The following AGBL1 variants were observed in gnomAD, a reference collection of about 807,000 sequenced individuals.
AGBL1 encodes the protein cytosolic carboxypeptidase 4.
In AGBL1, 130 loss-of-function variants were observed where a neutral mutation model predicts 118.9. That is an observed-to-expected ratio of 1.09 (90% CI 0.95 to 1.26). The LOEUF (loss-of-function observed/expected upper bound fraction) is 1.26, where lower values mean the gene tolerates loss of function less well. AGBL1 is among the 50% of genes most tolerant of loss of function. The pLI is 0.00. For missense variants in AGBL1, 1,584 were observed against 1,298.1 expected, an observed-to-expected ratio of 1.22 and a Z score of -3.38; for synonymous variants, 555 against 478.9, an observed-to-expected ratio of 1.16 and a Z score of -2.08.
At chr15:86,427,328 G>T (rs2081879045) in intron 18 of AGBL1, among the ~76,000 whole-genome samples, 1 of 152,160 alleles carries the variant, frequency 6.6e-6, no homozygotes, top group East Asian at 1.9e-4. Flanking sequence ...GCATAAGGAT[G>T]AATATTAGGG....
chr15:86,468,072 C>T (rs913665049), intron 18 of AGBL1, among the ~76,000 whole-genome samples: 1 of 152,064 alleles, frequency 6.6e-6, no homozygotes, highest in African/African-American at 2.4e-5. Context: ...ATCATTTTGT[C>T]CCTACTCCCA....
intron 17 of AGBL1, among the ~76,000 whole-genome samples, chr15:86,334,541 G>T (rs1490956554): frequency 2.0e-5 from 3 of 152,126 alleles, no homozygotes; most frequent in African/African-American, 7.2e-5. Flanking sequence ...AATATTCCAT[G>T]GTCATGGATT....
chr15:86,514,951 C>T (rs1430653295), intron 18 of AGBL1, among the ~76,000 whole-genome samples: 1 of 152,178 alleles, frequency 6.6e-6, no homozygotes, highest in African/African-American at 2.4e-5. Context: ...CATATCAACT[C>T]ATTGGGATTT....
intron 1 of AGBL1, among the ~76,000 whole-genome samples, chr15:86,094,803 C>T (rs1046346687): frequency 6.6e-6 from 1 of 152,190 alleles, no homozygotes; most frequent in African/African-American, 2.4e-5. Context: ...CCCACACCAA[C>T]AACCAACTCT....
chr15:86,307,506 A>G (rs1411181866), intron 17 of AGBL1, among the ~76,000 whole-genome samples: 1 of 152,096 alleles, frequency 6.6e-6, no homozygotes, highest in Non-Finnish European at 1.5e-5. Context: ...ATGTGTTAGG[A>G]AAAAGTTTCC....
intron 18 of AGBL1, among the ~76,000 whole-genome samples, chr15:86,497,445 C>T (rs1451270129): frequency 6.6e-6 from 1 of 151,994 alleles, no homozygotes; most frequent in Admixed American, 6.6e-5. Flanking sequence ...AATCTACTCA[C>T]AATATAATTG....
intron 5 of AGBL1, among the ~76,000 whole-genome samples, chr15:86,194,811 A>T (rs1232044701): frequency 4.6e-5 from 7 of 152,278 alleles, no homozygotes; most frequent in Admixed American, 1.3e-4. Context: ...CATAGTCCCA[A>T]CCTCATCAAA....
At chr15:86,616,176 A>T (rs2084718628) in intron 21 of AGBL1, among the ~76,000 whole-genome samples, 1 of 151,940 alleles carries the variant, frequency 6.6e-6, no homozygotes, top group African/African-American at 2.4e-5. Context: ...GTCTCTACTA[A>T]AAGTACAGAA....
chr15:86,361,382 A>G (rs1021541955), intron 17 of AGBL1, among the ~76,000 whole-genome samples: 8 of 152,048 alleles, frequency 5.3e-5, no homozygotes, highest in African/African-American at 1.9e-4. Context: ...CTATCCTGGA[A>G]AATGTTCTAT....
intron 22 of AGBL1, among the ~76,000 whole-genome samples, chr15:86,718,549 A>T (rs72763985): frequency 0.027 from 4,104 of 152,274 alleles, 95 homozygotes; most frequent in Non-Finnish European, 0.041. Context: ...GAAAAAAACC[A>T]TCCTGTGTTG....
chr15:86,872,754 TATAA>T (rs1333444518), intron 22 of AGBL1, among the ~76,000 whole-genome samples: 2 of 152,184 alleles, frequency 1.3e-5, no homozygotes, highest in East Asian at 3.9e-4. Flanking sequence ...AGACTCCGTC[TATAA>T]ATAAATAAAT....
intron 17 of AGBL1, among the ~76,000 whole-genome samples, chr15:86,363,901 T>C (rs973241599): frequency 5.9e-5 from 9 of 152,166 alleles, no homozygotes; most frequent in African/African-American, 2.2e-4. Context: ...TCCACACTAT[T>C]CAGGCTCAAA....
chr15:86,724,010 C>T (rs1002749013), intron 22 of AGBL1, among the ~76,000 whole-genome samples: 24 of 151,878 alleles, frequency 1.6e-4, no homozygotes, highest in East Asian at 9.7e-4. Context: ...CCGAGGTGGG[C>T]GGATCACGAG....
At chr15:86,380,969 T>C (rs1043365106) in intron 17 of AGBL1, among the ~76,000 whole-genome samples, 1 of 152,162 alleles carries the variant, frequency 6.6e-6, no homozygotes, top group African/African-American at 2.4e-5. Context: ...TACCAGTCAC[T>C]GTGCTTGTTT....
At chr15:86,341,271 C>G (rs1328686307) in intron 17 of AGBL1, among the ~76,000 whole-genome samples, 1 of 152,150 alleles carries the variant, frequency 6.6e-6, no homozygotes, top group Non-Finnish European at 1.5e-5. Flanking sequence ...GCTAGGCTGC[C>G]CTTTTCCTGA....
rs895724112 is a variant in AGBL1, at chr15:86,911,115, A to G, written c.*3821A>G. The G allele has an allele frequency of 1.3e-5, 2 of 152,354 alleles. No individual in the cohort carries two copies. The highest frequency in any genetic ancestry group is 2.9e-5 in the Non-Finnish European group (2 of 68,204). 9.4% of individuals were successfully genotyped at this position (152,354 alleles called of 1,614,324 possible). ...GAGTTGTAGGCCATAATGGGAAGCA[A>G]ATGTGGTCCAAAATGTGCAGAGGAG... On this transcript the variant is annotated 3_prime_UTR_variant, in exon 23 of 23. Transcript: ENST00000614907.
At chr15:86,384,066 C>A (rs2081148931) in intron 17 of AGBL1, among the ~76,000 whole-genome samples, 2 of 152,076 alleles carry the variant, frequency 1.3e-5, no homozygotes, top group South Asian at 4.1e-4. Flanking sequence ...GGTCCCCTTC[C>A]CATCTCATTT....
At chr15:86,231,638 CAGTT>C (rs1335304314) in intron 6 of AGBL1, among the ~76,000 whole-genome samples, 10 of 152,308 alleles carry the variant, frequency 6.6e-5, no homozygotes, top group Admixed American at 2.6e-4. Context: ...ACTCTATACA[CAGTT>C]AGCCTATCAA....
At chr15:86,584,915 T>G (rs957200522) in intron 21 of AGBL1, among the ~76,000 whole-genome samples, 6 of 152,172 alleles carry the variant, frequency 3.9e-5, no homozygotes, top group African/African-American at 1.4e-4. Flanking sequence ...ATTAGATCTA[T>G]TCCTAGTTAT....
Sources: allele counts gnomAD v4.1 joint callset (sites outside exome capture counted in the v4.1 genomes callset), GRCh38; gene constraint gnomAD v4.1.1; transcripts MANE v1.5; gene names NCBI Gene and HGNC (gene_info 2026-07-23, HGNC 2026-07-21).